The following FGGY variants were observed in gnomAD, a reference collection of about 807,000 sequenced individuals.
The protein encoded by FGGY is FGGY carbohydrate kinase domain containing.
A neutral mutation model predicts 71.3 loss-of-function variants in FGGY; 72 were observed. That is an observed-to-expected ratio of 1.01 (90% CI 0.84 to 1.23). FGGY has a LOEUF of 1.23. FGGY is among the 50% of genes most tolerant of loss of function. The pLI is 0.00. For missense variants in FGGY, 668 were observed against 682.3 expected (o/e 0.98, Z 0.23); for synonymous variants, 251 against 250.3 (o/e 1.00, Z -0.02).
chr1:59,495,375 C>T (rs963863919), intron 6 of FGGY, among the ~76,000 whole-genome samples: 3 of 152,024 alleles, frequency 2.0e-5, no homozygotes, highest in Non-Finnish European at 2.9e-5. Context: ...GTTGCAATTG[C>T]TTTTGACATC....
chr1:59,492,184 A>C (rs2093887142), intron 6 of FGGY, among the ~76,000 whole-genome samples: 1 of 152,118 alleles, frequency 6.6e-6, no homozygotes, highest in Non-Finnish European at 1.5e-5. Flanking sequence ...GAGAGCTTAC[A>C]TCTCTCTCAG....
intron 5 of FGGY, among the ~76,000 whole-genome samples, chr1:59,403,674 C>T (rs1412600701): frequency 6.6e-6 from 1 of 152,128 alleles, no homozygotes; most frequent in African/African-American, 2.4e-5. Context: ...GCGTTGGGCA[C>T]GTGAGTCTAG....
At chr1:59,395,277 GT>G (rs1021734930) in intron 5 of FGGY, among the ~76,000 whole-genome samples, 1 of 151,806 alleles carries the variant, frequency 6.6e-6, no homozygotes, top group Non-Finnish European at 1.5e-5. Flanking sequence ...ACTGGGAAGA[GT>G]TTTTTTTCAT....
chr1:59,462,486 G>C (rs9726709), intron 6 of FGGY, among the ~76,000 whole-genome samples: 61,548 of 151,672 alleles, frequency 0.41, 12,654 homozygotes, highest in Middle Eastern at 0.5. Flanking sequence ...AGAGCTTCTG[G>C]ACAGCAAAAG....
At chr1:59,726,295 A>G (rs2097947165) in intron 14 of FGGY, among the ~76,000 whole-genome samples, 2 of 152,168 alleles carry the variant, frequency 1.3e-5, no homozygotes. Flanking sequence ...GTTGTGGTAT[A>G]TAATTCCTTT....
At chr1:59,325,978 G>A (rs1289733979) in intron 2 of FGGY, among the ~76,000 whole-genome samples, 1 of 152,296 alleles carries the variant, frequency 6.6e-6, no homozygotes, top group East Asian at 1.9e-4. Flanking sequence ...GAGGTTATAT[G>A]CAGTCCACGA....
chr1:59,505,664 C>T (rs534584900), intron 6 of FGGY, among the ~76,000 whole-genome samples: 3 of 152,246 alleles, frequency 2.0e-5, no homozygotes, highest in South Asian at 2.1e-4. Context: ...AACACTGAAC[C>T]TTCCAGTTAA....
intron 2 of FGGY, among the ~76,000 whole-genome samples, chr1:59,327,960 T>A (rs1293697603): frequency 6.6e-6 from 1 of 152,230 alleles, no homozygotes; most frequent in African/African-American, 2.4e-5. Flanking sequence ...TGTAAATAGA[T>A]GTGCTGTCAT....
intron 14 of FGGY, among the ~76,000 whole-genome samples, chr1:59,746,694 C>T (rs1323567940): frequency 6.6e-6 from 1 of 152,084 alleles, no homozygotes; most frequent in Non-Finnish European, 1.5e-5. Flanking sequence ...TAGGGTTTCC[C>T]TATCTTGCCC....
intron 7 of FGGY, among the ~76,000 whole-genome samples, chr1:59,517,634 C>CT (rs1276948083): frequency 2.0e-5 from 3 of 152,154 alleles, no homozygotes; most frequent in Non-Finnish European, 4.4e-5. Context: ...TAAGCACTCT[C>CT]TTTTTCCCCC....
intron 5 of FGGY, among the ~76,000 whole-genome samples, chr1:59,435,008 G>A (rs1401539705): frequency 2.0e-5 from 3 of 152,138 alleles, no homozygotes. Context: ...TAAATACTGG[G>A]ACAGATGCGG....
chr1:59,702,909 C>A (rs1354325284), intron 14 of FGGY, among the ~76,000 whole-genome samples: 2 of 152,118 alleles, frequency 1.3e-5, no homozygotes, highest in Non-Finnish European at 2.9e-5. Flanking sequence ...AAGAAGCTGT[C>A]CTAATCTGCC....
chr1:59,531,194 T>G (rs2095132925), intron 7 of FGGY, among the ~76,000 whole-genome samples: 1 of 152,228 alleles, frequency 6.6e-6, no homozygotes, highest in Non-Finnish European at 1.5e-5. Context: ...TTACCAGTTA[T>G]GTAACTTCTA....
intron 8 of FGGY, among the ~76,000 whole-genome samples, chr1:59,574,656 G>A (rs988720599): frequency 6.6e-6 from 1 of 152,014 alleles, no homozygotes; most frequent in Non-Finnish European, 1.5e-5. Context: ...TATAGTGAAG[G>A]AACAAAGATA....
At chr1:59,525,574 T>C (rs2094955162) in intron 7 of FGGY, among the ~76,000 whole-genome samples, 1 of 152,224 alleles carries the variant, frequency 6.6e-6, no homozygotes, top group Admixed American at 6.5e-5. Context: ...TTAGCTATGA[T>C]TAATGTGATT....
intron 13 of FGGY, among the ~76,000 whole-genome samples, chr1:59,672,350 T>C (rs957026205): frequency 3.3e-5 from 5 of 152,234 alleles, no homozygotes; most frequent in African/African-American, 1.2e-4. Context: ...CCAGGAAATA[T>C]GCTAAGCACC....
intron 1 of FGGY, among the ~76,000 whole-genome samples, chr1:59,311,829 C>T (rs893053755): frequency 6.6e-6 from 1 of 152,128 alleles, no homozygotes; most frequent in African/African-American, 2.4e-5. Context: ...CTGCCTTCTA[C>T]TCTTCCACAA....
intron 14 of FGGY, among the ~76,000 whole-genome samples, chr1:59,701,123 G>A (rs2097705933): frequency 6.6e-6 from 1 of 152,180 alleles, no homozygotes; most frequent in African/African-American, 2.4e-5. Flanking sequence ...TGGGAGTGCT[G>A]GGGATAGGGG....
intron 14 of FGGY, among the ~76,000 whole-genome samples, chr1:59,749,104 A>G (rs935604204): frequency 3.9e-5 from 6 of 152,192 alleles, no homozygotes; most frequent in Admixed American, 3.9e-4. Flanking sequence ...GCATGCCTGG[A>G]GGAGGCATGG....
Sources: allele counts gnomAD v4.1 joint callset (sites outside exome capture counted in the v4.1 genomes callset), GRCh38; gene constraint gnomAD v4.1.1; transcripts MANE v1.5; gene names NCBI Gene and HGNC (gene_info 2026-07-23, HGNC 2026-07-21).